EEFSEC: variants seen among roughly 807,000 people sequenced by gnomAD.
EEFSEC encodes eukaryotic elongation factor, selenocysteine-tRNA specific.
Under a neutral mutation model 42.1 loss-of-function variants are expected in EEFSEC, and 43 were observed. The observed-to-expected ratio is 1.02, with a 90% CI of 0.80 to 1.32. The LOEUF is 1.32. Among genes scored for constraint, EEFSEC ranks in the 40% most tolerant of loss-of-function variants. The pLI, the probability that EEFSEC is intolerant of heterozygous loss-of-function variation, is 0.00. For missense variants in EEFSEC, 745 were observed against 803.6 expected (o/e 0.93, Z 0.88); for synonymous variants, 354 against 339.1 (o/e 1.04, Z -0.48).
intron 1 of EEFSEC, among the ~76,000 whole-genome samples, chr3:128,218,262 C>T (rs1282080815): frequency 6.6e-6 from 1 of 152,168 alleles, no homozygotes. Context: ...TGGCTCTGGC[C>T]CCTTCACAGA....
At chr3:128,376,602 G>A (rs1007744348) in intron 6 of EEFSEC, among the ~76,000 whole-genome samples, 1 of 152,156 alleles carries the variant, frequency 6.6e-6, no homozygotes, top group Admixed American at 6.5e-5. Flanking sequence ...AAGGACCTCT[G>A]TCCCTTCAGC....
chr3:128,200,539 C>T (rs1427169365), intron 1 of EEFSEC, among the ~76,000 whole-genome samples: 2 of 152,186 alleles, frequency 1.3e-5, no homozygotes, highest in Non-Finnish European at 2.9e-5. Context: ...CCGCCCACCT[C>T]GGCCTCCCAA....
intron 1 of EEFSEC, among the ~76,000 whole-genome samples, chr3:128,222,128 G>A (rs1431633506): frequency 2.7e-5 from 4 of 150,584 alleles, no homozygotes. Context: ...CCCCCTCCGG[G>A]GTTCAAGCGA....
chr3:128,180,768 G>A (rs2065397457), intron 1 of EEFSEC, among the ~76,000 whole-genome samples: 1 of 152,218 alleles, frequency 6.6e-6, no homozygotes, highest in African/African-American at 2.4e-5. Context: ...GTGCCATTGA[G>A]GCCTGGGAAT....
chr3:128,166,314 T>C (rs190269006), intron 1 of EEFSEC, among the ~76,000 whole-genome samples: 33 of 152,334 alleles, frequency 2.2e-4, no homozygotes, highest in African/African-American at 7.0e-4. Context: ...ATCAGTACTT[T>C]CCAGCAGAAC....
intron 4 of EEFSEC, among the ~76,000 whole-genome samples, chr3:128,304,933 A>G (rs1307035744): frequency 2.0e-5 from 3 of 152,098 alleles, no homozygotes; most frequent in Non-Finnish European, 4.4e-5. Flanking sequence ...CGAACTCCTG[A>G]GCTCAAGTGA....
intron 1 of EEFSEC, among the ~76,000 whole-genome samples, chr3:128,168,968 G>A (rs1158086270): frequency 6.6e-6 from 1 of 152,172 alleles, no homozygotes; most frequent in Admixed American, 6.5e-5. Context: ...AACAAACTCC[G>A]AGCAACTACT....
chr3:128,295,612 T>A (rs1030940060), intron 4 of EEFSEC, among the ~76,000 whole-genome samples: 72 of 149,892 alleles, frequency 4.8e-4, no homozygotes, highest in African/African-American at 1.5e-3. Flanking sequence ...TTTTTTTTTT[T>A]AAATCTTCCT....
chr3:128,379,690 G>A (rs550161741), intron 6 of EEFSEC, among the ~76,000 whole-genome samples: 86 of 152,324 alleles, frequency 5.6e-4, no homozygotes, highest in African/African-American at 1.8e-3. Flanking sequence ...TGCGGCAATC[G>A]GAGGCCCTGT....
At chr3:128,250,916 T>G (rs2066179541) in intron 2 of EEFSEC, among the ~76,000 whole-genome samples, 1 of 149,944 alleles carries the variant, frequency 6.7e-6, no homozygotes, top group African/African-American at 2.4e-5. Flanking sequence ...TTTTGGTTTT[T>G]TTTTTTTTTT....
At chr3:128,296,991 A>T (rs1483959630) in intron 4 of EEFSEC, among the ~76,000 whole-genome samples, 1 of 152,164 alleles carries the variant, frequency 6.6e-6, no homozygotes, top group East Asian at 1.9e-4. Flanking sequence ...GGTTTGGCAA[A>T]GCTCCCTGCA....
In EEFSEC at chr3:128,247,028, C is replaced by T. The variant is rs912167477; in HGVS notation, c.509C>T (p.Thr170Ile). 6.2e-7 allele frequency: 1 copy of T among 1,614,024 alleles called. No homozygotes were observed. The highest frequency in any genetic ancestry group is 1.3e-5 in the African/African-American group (1 of 75,018). ...AAAATGACCAAGAAAATGCAGAAGA[C>T]CCTAGAGAACACCAAGTAGGTCTGC... Reference protein sequence around the residue: ...IDKMTKKMQKTLENTKFRGAP... With the variant: ...IDKMTKKMQKILENTKFRGAP... The change falls in exon 2 of 7, where the codon ACC becomes ATC. Residue 170 changes from threonine (T) to isoleucine (I), a missense_variant. By Grantham distance (89) the Thr-to-Ile change is moderately conservative (BLOSUM62 -1). Coordinates refer to ENST00000254730, the MANE Select transcript of EEFSEC (RefSeq NM_021937.5).
At chr3:128,414,596 C>A in the EEFSEC span, among the ~76,000 whole-genome samples, 4 of 152,250 alleles carry the variant, frequency 2.6e-5, no homozygotes, top group Non-Finnish European at 5.9e-5. Context: ...AAGCCAGTTA[C>A]CCACACTGTC....
the EEFSEC span, among the ~76,000 whole-genome samples, chr3:128,416,320 C>G: frequency 6.6e-6 from 1 of 152,178 alleles, no homozygotes; most frequent in East Asian, 1.9e-4. Flanking sequence ...GGGCCCCGGC[C>G]TGGCCCACCC....
At chr3:128,169,285 A>C (rs554734500) in intron 1 of EEFSEC, among the ~76,000 whole-genome samples, 1 of 152,306 alleles carries the variant, frequency 6.6e-6, no homozygotes, top group African/African-American at 2.4e-5. Flanking sequence ...TGTAGCACAC[A>C]TGAGGGTCCT....
chr3:128,162,966 C>T (rs756524953), intron 1 of EEFSEC, among the ~76,000 whole-genome samples: 3 of 152,130 alleles, frequency 2.0e-5, no homozygotes, highest in Non-Finnish European at 2.9e-5. Flanking sequence ...GGTTTTTCTT[C>T]GGAATCATTC....
rs185727457 is a variant in EEFSEC at position 128,332,356 on chromosome 3, C to T, written c.787-8877C>T. Among the ~76,000 whole-genome samples, 12 of 152,280 alleles carry T rather than the reference C, an allele frequency of 7.9e-5. No homozygotes were observed. The East Asian group carries it at 2.1e-3, about 27-fold the overall frequency. On this transcript the variant is annotated intron_variant, in intron 4 of 6. Coordinates refer to ENST00000254730, the MANE Select transcript of EEFSEC (RefSeq NM_021937.5). ...GAAATGCTTGGGACCAGAAGTGTTT[C>T]GATTTCAGATTGTTTTGGATTTTGG...
chr3:128,223,248 G>C (rs531059221), intron 1 of EEFSEC, among the ~76,000 whole-genome samples: 9 of 152,282 alleles, frequency 5.9e-5, no homozygotes, highest in Non-Finnish European at 1.2e-4. Context: ...GCCCTCCCAG[G>C]CTTCACCCCA....
At chr3:128,347,603 A>G (rs2067328583) in intron 5 of EEFSEC, among the ~76,000 whole-genome samples, 1 of 152,214 alleles carries the variant, frequency 6.6e-6, no homozygotes, top group Non-Finnish European at 1.5e-5. Context: ...ATGTTAATAA[A>G]TAATAATAAT....
Sources: allele counts gnomAD v4.1 joint callset (sites outside exome capture counted in the v4.1 genomes callset), GRCh38; gene constraint gnomAD v4.1.1; transcripts MANE v1.5; gene names NCBI Gene and HGNC (gene_info 2026-07-23, HGNC 2026-07-21).